DLC1: variants seen among roughly 807,000 people sequenced by gnomAD.
The protein encoded by DLC1 is DLC1 Rho GTPase activating protein.
DLC1 carries 54 observed loss-of-function variants against 140.3 expected under a neutral mutation model. The observed-to-expected ratio is 0.38, with a 90% confidence interval of 0.31 to 0.48. The LOEUF is 0.48. DLC1 is among the 20% of genes least tolerant of loss of function. The pLI is 0.96. For synonymous variants in DLC1, 986 were observed against 728.1 expected (o/e 1.35, Z -5.70); for missense variants, 2,536 against 1,907.0 (o/e 1.33, Z -6.14).
At chr8:13,435,588 A>G (rs946162304) in intron 2 of DLC1, among the ~76,000 whole-genome samples, 1 of 152,216 alleles carries the variant, frequency 6.6e-6, no homozygotes, top group Non-Finnish European at 1.5e-5. Flanking sequence ...TGCTGGGATT[A>G]CAAGAGTGAG....
At chr8:13,174,257 A>T (rs956373575) in intron 5 of DLC1, among the ~76,000 whole-genome samples, 7 of 152,084 alleles carry the variant, frequency 4.6e-5, no homozygotes, top group Non-Finnish European at 8.8e-5. Flanking sequence ...TCTTTATCCA[A>T]CCCACTGTCG....
At chr8:13,142,998 G>T (rs1251930646) in intron 5 of DLC1, among the ~76,000 whole-genome samples, 1 of 150,366 alleles carries the variant, frequency 6.7e-6, no homozygotes, top group East Asian at 1.9e-4. Flanking sequence ...AGCCAAGATT[G>T]TGCCGTTGCG....
chr8:13,577,814 C>T (rs568895930), intron 1 of DLC1, among the ~76,000 whole-genome samples: 1 of 152,094 alleles, frequency 6.6e-6, no homozygotes, highest in East Asian at 1.9e-4. Context: ...TATTTTTAAG[C>T]TTCTTCCTGT....
At chr8:13,452,419 A>G (rs914946748) in intron 2 of DLC1, among the ~76,000 whole-genome samples, 2 of 152,094 alleles carry the variant, frequency 1.3e-5, no homozygotes, top group African/African-American at 2.4e-5. Flanking sequence ...GACTGAAACA[A>G]TTTCTACTTT....
chr8:13,509,136 A>G (rs1199817276), intron 1 of DLC1, among the ~76,000 whole-genome samples: 1 of 152,232 alleles, frequency 6.6e-6, no homozygotes, highest in Non-Finnish European at 1.5e-5. Context: ...ATAATGTTTT[A>G]TCATCATCAT....
chr8:13,248,199 G>C (rs57927974), intron 5 of DLC1, among the ~76,000 whole-genome samples: 26,918 of 152,068 alleles, frequency 0.18, 2,588 homozygotes, highest in African/African-American at 0.25. Context: ...TCTCTTCCCA[G>C]CCCCTTTCTC....
chr8:13,365,017 C>T (rs768335444), intron 4 of DLC1, among the ~76,000 whole-genome samples: 4 of 152,186 alleles, frequency 2.6e-5, no homozygotes, highest in Non-Finnish European at 4.4e-5. Context: ...CACAGACTTG[C>T]AACACTTTCT....
intron 4 of DLC1, among the ~76,000 whole-genome samples, chr8:13,327,609 T>A (rs1164743903): frequency 1.3e-5 from 2 of 152,016 alleles, no homozygotes; most frequent in Non-Finnish European, 2.9e-5. Flanking sequence ...TAAGCCACTG[T>A]CCCCAGCTGA....
chr8:13,539,376 A>G (rs1013201969), intron 1 of DLC1, among the ~76,000 whole-genome samples: 1 of 151,820 alleles, frequency 6.6e-6, no homozygotes, highest in Non-Finnish European at 1.5e-5. Context: ...ATTTTTTTGT[A>G]TTTTTGGTAG....
At chr8:13,525,211 G>T (rs892248700) in intron 1 of DLC1, among the ~76,000 whole-genome samples, 1 of 152,116 alleles carries the variant, frequency 6.6e-6, no homozygotes, top group Non-Finnish European at 1.5e-5. Context: ...AATATATCAC[G>T]ATTTATTTAT....
At chr8:13,110,328 G>A (rs1819977862) in intron 7 of DLC1, among the ~76,000 whole-genome samples, 1 of 152,154 alleles carries the variant, frequency 6.6e-6, no homozygotes, top group Non-Finnish European at 1.5e-5. Context: ...TATACGAGGG[G>A]AAACTGAAGA....
chr8:13,168,495 G>C (rs1825246070), intron 5 of DLC1, among the ~76,000 whole-genome samples: 2 of 152,118 alleles, frequency 1.3e-5, no homozygotes, highest in African/African-American at 4.8e-5. Context: ...AAATAAATGA[G>C]ACAAGTCCCA....
At chr8:13,190,748 C>T (rs115723916) in intron 5 of DLC1, among the ~76,000 whole-genome samples, 2,742 of 152,006 alleles carry the variant, frequency 0.018, 76 homozygotes, top group African/African-American at 0.063. Context: ...GGCGTGGGCC[C>T]GAGAGGTGAG....
chr8:13,559,517 T>A (rs1166899366), intron 1 of DLC1: 1 of 152,218 alleles, frequency 6.6e-6, no homozygotes, highest in Non-Finnish European at 1.5e-5. Flanking sequence ...ACTGAAAGAT[T>A]CATCTCAAAT....
intron 2 of DLC1, among the ~76,000 whole-genome samples, chr8:13,439,185 G>A (rs576373688): frequency 6.6e-6 from 1 of 152,186 alleles, no homozygotes; most frequent in South Asian, 2.1e-4. Flanking sequence ...TTAGTTGGGC[G>A]TGGTGGTGTG....
At chr8:13,177,515 C>A (rs1475909354) in intron 5 of DLC1, among the ~76,000 whole-genome samples, 3 of 152,126 alleles carry the variant, frequency 2.0e-5, no homozygotes, top group African/African-American at 7.2e-5. Context: ...ATCTTACTTC[C>A]CTCACATTCC....
rs867572567 is a variant in DLC1 at position 13,094,938 on chromosome 8, G to A, written c.3347C>T (p.Ser1116Leu). ...AGCCTGAATCCGGGACTTGACCCCC[G>A]ATTTTCTGAAGAGCCCAACCTGTCG... ...CLDQVGLFRK[S>L]GVKSRIQALR... The change falls in exon 12 of 18, where the codon TCG becomes TTG. Residue 1116 changes from serine (S) to leucine (L), a missense_variant. Physicochemically the swap from Ser to Leu is moderately radical, Grantham distance 145. Transcript: ENST00000276297. 1.2e-6 allele frequency: 2 copies of A among 1,614,020 alleles called. No homozygotes were observed. The highest frequency in any genetic ancestry group is 1.7e-6 in the Non-Finnish European group (2 of 1,180,020).
intron 2 of DLC1, among the ~76,000 whole-genome samples, chr8:13,463,765 C>T (rs1321335420): frequency 2.0e-5 from 3 of 152,154 alleles, no homozygotes; most frequent in African/African-American, 4.8e-5. Flanking sequence ...TTCCCAGGAC[C>T]TATGTCTTTA....
chr8:13,264,172 G>A (rs983036227), intron 5 of DLC1, among the ~76,000 whole-genome samples: 4 of 151,860 alleles, frequency 2.6e-5, no homozygotes, highest in Non-Finnish European at 4.4e-5. Flanking sequence ...GGGTTCAAGC[G>A]ATTCTGCTAC....
Sources: gnomAD v4.1 joint callset for allele counts (sites outside exome capture counted in the v4.1 genomes callset) on GRCh38, gnomAD v4.1.1 for gene constraint, MANE v1.5 for transcripts, NCBI Gene and HGNC (gene_info 2026-07-23, HGNC 2026-07-21) for gene names.